The following GABRG3 variants were observed in gnomAD, a reference collection of about 807,000 sequenced individuals.
GABRG3 encodes gamma-aminobutyric acid receptor subunit gamma-3.
Under a neutral mutation model 48.8 loss-of-function variants are expected in GABRG3, and 25 were observed. That is an observed-to-expected ratio of 0.51 (90% confidence interval 0.37 to 0.72). The LOEUF (loss-of-function observed/expected upper bound fraction) is 0.72, where lower values mean the gene tolerates loss of function less well. Among genes scored for constraint, GABRG3 ranks in the 30% least tolerant of loss-of-function variants. The probability of loss-of-function intolerance (pLI) is 0.00; values close to 1 mark genes in which losing one functional copy is unlikely to be tolerated. For missense variants in GABRG3, 394 were observed against 577.9 expected (o/e 0.68, Z 3.26); for synonymous variants, 227 against 217.6 (o/e 1.04, Z -0.38).
intron 2 of GABRG3, among the ~76,000 whole-genome samples, chr15:26,992,931 A>G (rs577801479): frequency 2.6e-5 from 4 of 152,080 alleles, no homozygotes; most frequent in South Asian, 4.2e-4. Context: ...TCATGGTTCA[A>G]TCTTGGTAGG....
intron 2 of GABRG3, among the ~76,000 whole-genome samples, chr15:26,989,942 G>A (rs911478649): frequency 6.7e-4 from 102 of 152,264 alleles, no homozygotes; most frequent in African/African-American, 2.2e-3. Flanking sequence ...CTATGGCATT[G>A]CAAATGACAG....
Position 27,371,641 on chromosome 15 carries a change from G to A in GABRG3, c.574+42753G>A, listed in dbSNP as rs139306580. Among the ~76,000 whole-genome samples, 500 of 152,228 alleles carry A rather than the reference G, an allele frequency of 3.3e-3. 5 individuals carry two copies. Among genetic ancestry groups the A allele is most frequent in the African/African-American group, 0.011 (476 of 41,542 alleles). On this transcript the variant is annotated intron_variant, in intron 5 of 9. Transcript: ENST00000615808. Reference sequence around the variant, plus strand: ...CACAGACAAGCTGTAAAGGCAACTCGTTTCTATGGATTCTGACTTTTCTTG... The same window carrying A: ...CACAGACAAGCTGTAAAGGCAACTCATTTCTATGGATTCTGACTTTTCTTG...
chr15:27,021,230 A>T (rs182213963), intron 2 of GABRG3, among the ~76,000 whole-genome samples: 2 of 152,194 alleles, frequency 1.3e-5, no homozygotes, highest in Non-Finnish European at 2.9e-5. Flanking sequence ...TCGTGTTGCA[A>T]TTGGCAAGCT....
chr15:27,195,540 C>G (rs983665767), intron 3 of GABRG3, among the ~76,000 whole-genome samples: 1 of 152,112 alleles, frequency 6.6e-6, no homozygotes, highest in Non-Finnish European at 1.5e-5. Context: ...CCATGTTGGC[C>G]AGGATAGTCT....
Position 27,333,299 on chromosome 15 carries a change from T to C in GABRG3, c.574+4411T>C, listed in dbSNP as rs149167260. Among the ~76,000 whole-genome samples, 235 of 152,328 alleles carry C rather than the reference T, an allele frequency of 1.5e-3. 1 individual carries two copies. Among genetic ancestry groups the C allele is most frequent in the African/African-American group, 5.5e-3 (228 of 41,568 alleles). On this transcript the variant is annotated intron_variant, in intron 5 of 9. Transcript: ENST00000615808. ...CTTACATTTCTGTAGATCACAAATCTGAACTGGGCTAAAATCAAGGTGTGG... is the reference window on the plus strand; with the variant it reads ...CTTACATTTCTGTAGATCACAAATCCGAACTGGGCTAAAATCAAGGTGTGG...
intron 5 of GABRG3, among the ~76,000 whole-genome samples, chr15:27,358,608 C>A (rs1473847249): frequency 6.6e-6 from 1 of 151,980 alleles, no homozygotes; most frequent in Non-Finnish European, 1.5e-5. Flanking sequence ...TCCTTCCTGC[C>A]GGGTTCCACC....
At chr15:27,388,164 A>G (rs142153057) in intron 5 of GABRG3, among the ~76,000 whole-genome samples, 27 of 20,516 alleles carry the variant, frequency 1.3e-3, no homozygotes, top group South Asian at 4.9e-3. Flanking sequence ...GGAAGAAAGG[A>G]AGGAAGGAAG....
chr15:27,375,085 T>C (rs1895550818), intron 5 of GABRG3, among the ~76,000 whole-genome samples: 1 of 152,204 alleles, frequency 6.6e-6, no homozygotes, highest in South Asian at 2.1e-4. Flanking sequence ...TCAATGGGCC[T>C]GAAGAACAAA....
intron 3 of GABRG3, among the ~76,000 whole-genome samples, chr15:27,092,579 G>A (rs531355426): frequency 6.6e-6 from 1 of 152,282 alleles, no homozygotes; most frequent in Admixed American, 6.5e-5. Flanking sequence ...GTGTCGTGTT[G>A]CCCCGTCCGT....
chr15:27,332,771 A>G (rs1566790305), intron 5 of GABRG3, among the ~76,000 whole-genome samples: 1 of 152,340 alleles, frequency 6.6e-6, no homozygotes, highest in East Asian at 1.9e-4. Flanking sequence ...AAATTGAGTA[A>G]CAACTTTTAG....
At chr15:27,288,946 G>A (rs533201797) in intron 3 of GABRG3, among the ~76,000 whole-genome samples, 14 of 152,242 alleles carry the variant, frequency 9.2e-5, no homozygotes, top group South Asian at 6.2e-4. Context: ...TATTCACTGC[G>A]TATAGAATTC....
chr15:27,510,188 G>A (rs1056899745), intron 6 of GABRG3, among the ~76,000 whole-genome samples: 17 of 152,258 alleles, frequency 1.1e-4, no homozygotes, highest in South Asian at 2.1e-4. Context: ...TGCTTGTTGC[G>A]TGTGGGTGGT....
At chr15:27,362,632 T>C (rs1055662779) in intron 5 of GABRG3, 4 of 152,206 alleles carry the variant, frequency 2.6e-5, no homozygotes, top group Non-Finnish European at 5.9e-5. Context: ...AAAATGTTTT[T>C]CTCTGTGATT....
chr15:27,277,665 T>C (rs934004880), intron 3 of GABRG3, among the ~76,000 whole-genome samples: 13 of 152,142 alleles, frequency 8.5e-5, no homozygotes, highest in Non-Finnish European at 1.9e-4. Context: ...CTCTACTTTT[T>C]CTCCTTATTC....
At chr15:27,335,975 G>C (rs1646350047) in intron 5 of GABRG3, among the ~76,000 whole-genome samples, 1 of 152,026 alleles carries the variant, frequency 6.6e-6, no homozygotes, top group Non-Finnish European at 1.5e-5. Context: ...ATCACCTGAG[G>C]TCAGGAGTTT....
chr15:27,339,646 C>T (rs150387145), intron 5 of GABRG3, among the ~76,000 whole-genome samples: 1 of 152,176 alleles, frequency 6.6e-6, no homozygotes, highest in Non-Finnish European at 1.5e-5. Context: ...AACTGACCTC[C>T]TTACTTTGGT....
intron 3 of GABRG3, among the ~76,000 whole-genome samples, chr15:27,069,559 T>C (rs1896793747): frequency 6.6e-6 from 1 of 152,198 alleles, no homozygotes; most frequent in African/African-American, 2.4e-5. Flanking sequence ...CATATAAGGG[T>C]CTGAGTGTGT....
At chr15:27,395,494 A>G (rs1324113704) in intron 5 of GABRG3, among the ~76,000 whole-genome samples, 1 of 152,222 alleles carries the variant, frequency 6.6e-6, no homozygotes, top group East Asian at 1.9e-4. Context: ...ACCTATTACT[A>G]TAAAGCTACA....
At chr15:27,118,327 G>A (rs1221829673) in intron 3 of GABRG3, among the ~76,000 whole-genome samples, 6 of 152,118 alleles carry the variant, frequency 3.9e-5, no homozygotes, top group Non-Finnish European at 8.8e-5. Flanking sequence ...AAGGATGATG[G>A]CATTGACTAA....
Sources: allele counts gnomAD v4.1 joint callset (sites outside exome capture counted in the v4.1 genomes callset), GRCh38; gene constraint gnomAD v4.1.1; transcripts MANE v1.5; gene names NCBI Gene and HGNC (gene_info 2026-07-23, HGNC 2026-07-21).